The following ABTB1 variants were observed in gnomAD, a reference collection of about 807,000 sequenced individuals.
The protein encoded by ABTB1 is ankyrin repeat and BTB domain containing 1, also known as ankyrin repeat and BTB/POZ domain-containing protein 1.
A neutral mutation model predicts 57.1 loss-of-function variants in ABTB1; 45 were observed. That is an observed-to-expected ratio of 0.79 (90% confidence interval 0.62 to 1.01). ABTB1 has a LOEUF of 1.01. Among genes scored for constraint, ABTB1 ranks in the 50% least tolerant of loss-of-function variants. ABTB1 has a pLI of 0.00. For missense variants in ABTB1, 630 were observed against 666.3 expected, an observed-to-expected ratio of 0.95 and a Z score of 0.60; for synonymous variants, 302 against 275.4, an observed-to-expected ratio of 1.10 and a Z score of -0.95.
At chr3:127,674,512 G>A (rs1478334972) in intron 2 of ABTB1, 33 bp from the exon 3 acceptor site, 1 of 1,614,012 alleles carries the variant, frequency 6.2e-7, no homozygotes, top group Non-Finnish European at 8.5e-7. Context: ...TCAGCACTGA[G>A]GACTGCCTCC....
Position 127,680,452 on chromosome 3 carries a change from G to T in ABTB1, c.1414G>T (p.Val472Leu). Residue 472 changes from valine to leucine, a missense_variant, in exon 12 of 12, where the codon GTG becomes TTG. Val to Leu is a conservative substitution (Grantham distance 32). Transcript: ENST00000232744. ...QRLRALEDLL[V>L]SIGLDC ...TCTGCGGGCACTCGAGGACCTGCTC[G>T]TGTCCATCGGTCTGGACTGTTGAGC... The T allele has an allele frequency of 1.2e-6, 2 of 1,602,330 alleles. No homozygotes were observed. The highest frequency in any genetic ancestry group is 1.7e-6 in the Non-Finnish European group (2 of 1,176,920).
intron 3 of ABTB1, chr3:127,675,699 G>A (rs2074964590): frequency 1.9e-6 from 1 of 533,980 alleles, no homozygotes; most frequent in Non-Finnish European, 3.4e-6. Context: ...CCAGTGTGTG[G>A]GACAAGCCCA....
Position 127,677,663 on chromosome 3 carries a change from C to A in ABTB1, c.862-13C>A. On this transcript the variant is annotated splice_polypyrimidine_tract_variant and intron_variant, in intron 9 of 11. Transcript: ENST00000232744. ...CCCTGGCCCTCACACTTCCTGAGCC[C>A]GGCCTCCCCCAGGCCTTTTTCTGTG... 3 of 1,611,406 alleles carry A rather than the reference C, an allele frequency of 1.9e-6. No individual in the cohort carries two copies. The highest frequency in any genetic ancestry group is 2.5e-6 in the Non-Finnish European group (3 of 1,178,686).
Position 127,676,884 on chromosome 3 carries a change from C to A in ABTB1, c.527-83C>A. On this transcript the variant is annotated intron_variant, in intron 6 of 11. Coordinates refer to ENST00000232744, the MANE Select transcript of ABTB1 (RefSeq NM_172027.3). The surrounding 1 kb of genome is among the most constrained non-coding windows in gnomAD (Gnocchi z 5.4). ...AGTCCTAGTCCTGCAGCCAGGTGGC[C>A]AGGTGGGAGGGGATCACCCTTTTTC... 2.2e-6 allele frequency: 3 copies of A among 1,382,898 alleles called. No individual in the cohort carries two copies. Among genetic ancestry groups the A allele is most frequent in the Admixed American group, 1.9e-5 (1 of 51,922 alleles). 85.7% of individuals were successfully genotyped at this position (1,382,898 alleles called of 1,614,324 possible).
chr3:127,676,689 TC>T lies in ABTB1; in HGVS notation c.526+114del, dbSNP rs1455572879. ...CCTTTCACCTCTAGACACTTCATGG[TC>T]CCCCCGGGGTGGTTCCAGCTGCCTC... On this transcript the variant is annotated intron_variant, in intron 6 of 11. Transcript: ENST00000232744. The surrounding 1 kb of genome is among the most constrained non-coding windows in gnomAD (Gnocchi z 5.4). The T allele has an allele frequency of 2.0e-5, 29 of 1,442,398 alleles. No homozygotes were observed. The highest frequency in any genetic ancestry group is 2.6e-5 in the Non-Finnish European group (27 of 1,039,336). 89.3% of individuals were successfully genotyped at this position (1,442,398 alleles called of 1,614,324 possible).
chr3:127,679,455 G>C (rs929542096), intron 10 of ABTB1: 1 of 452,784 alleles, frequency 2.2e-6, no homozygotes, highest in Non-Finnish European at 4.5e-6. Context: ...GTATCTGTAG[G>C]TGGGCTCTGT....
intron 10 of ABTB1, chr3:127,679,632 G>A (rs776235576): frequency 1.4e-4 from 69 of 497,088 alleles, no homozygotes; most frequent in Non-Finnish European, 2.0e-4. Flanking sequence ...GGCACAGGGA[G>A]GTGCAGTGAC....
intron 10 of ABTB1, chr3:127,678,740 A>C (rs1187479006): frequency 1.3e-5 from 2 of 152,308 alleles, no homozygotes; most frequent in African/African-American, 2.4e-5. Flanking sequence ...TCTAGGAGGA[A>C]GAGGAAGGCA....
intron 1 of ABTB1, 59 bp from the exon 2 acceptor site, chr3:127,674,332 C>A: frequency 2.6e-6 from 4 of 1,568,054 alleles, no homozygotes; most frequent in Non-Finnish European, 3.5e-6. Context: ...TTTCCACGGG[C>A]CTTCTTTCTC....
At chr3:127,673,354 C>T in intron 1 of ABTB1, 1 of 284,410 alleles carries the variant, frequency 3.5e-6, no homozygotes, top group Non-Finnish European at 6.4e-6. Flanking sequence ...CAGAAGTGGG[C>T]GGAGAGAAGG....
chr3:127,676,887 G>A lies in ABTB1; in HGVS notation c.527-80G>A. 1 of 1,419,936 alleles carries A rather than the reference G, an allele frequency of 7.0e-7. No individual in the cohort carries two copies. The highest frequency in any genetic ancestry group is 9.8e-7 in the Non-Finnish European group (1 of 1,024,958). 88.0% of individuals were successfully genotyped at this position (1,419,936 alleles called of 1,614,324 possible). Reference sequence around the variant, plus strand: ...CCTAGTCCTGCAGCCAGGTGGCCAGGTGGGAGGGGATCACCCTTTTTCTGT... The same window carrying A: ...CCTAGTCCTGCAGCCAGGTGGCCAGATGGGAGGGGATCACCCTTTTTCTGT... On this transcript the variant is annotated intron_variant, in intron 6 of 11. Transcript: ENST00000232744. The surrounding 1 kb of genome is among the most constrained non-coding windows in gnomAD (Gnocchi z 5.4).
At position 127,674,772 on chromosome 3, in the gene ABTB1, C is replaced by T. The variant is rs186561875; in HGVS notation, c.175+172C>T. ...AGTACTATTATTGCTACTTTAAAAC[C>T]TTTTCTCTGTCCACCTTGCCCATCT... is the stretch of plus-strand genomic sequence containing the variant. On this transcript the variant is annotated intron_variant, in intron 3 of 11. Coordinates refer to ENST00000232744, the MANE Select transcript of ABTB1 (RefSeq NM_172027.3). Among the ~76,000 whole-genome samples, 536 of 152,332 alleles carry T rather than the reference C, an allele frequency of 3.5e-3. 7 individuals are homozygous for T. The highest frequency in any genetic ancestry group is 0.012 in the African/African-American group (508 of 41,564).
At chr3:127,677,972 G>T (rs1465318114) in intron 10 of ABTB1, 129 bp downstream of exon 10, 2 of 1,224,390 alleles carry the variant, frequency 1.6e-6, no homozygotes, top group Non-Finnish European at 2.2e-6. Context: ...GAGAAGGCTG[G>T]AGGGGAAGGC....
chr3:127,679,261 G>T (rs749446952), intron 10 of ABTB1: 8 of 306,622 alleles, frequency 2.6e-5, no homozygotes, highest in African/African-American at 6.7e-5. Flanking sequence ...GATAGCTCTC[G>T]TCGTCACTTC....
At position 127,677,536 on chromosome 3, in the gene ABTB1, G is replaced by A. The variant is rs150739803; in HGVS notation, c.834G>A (p.Val278=). Residue 278 remains valine (V), a synonymous_variant, in exon 9 of 12, where the codon GTG becomes GTA. Coordinates refer to ENST00000232744, the MANE Select transcript of ABTB1 (RefSeq NM_172027.3). ...FNSCPDICFR[V]AGCSFLCHKA... The stretch of plus-strand genomic sequence containing the variant: ...GCTGCCCTGACATCTGCTTCCGAGT[G>A]GCTGGCTGCAGCTTCCTCTGCCACA... 4 of 1,613,840 alleles carry A rather than the reference G, an allele frequency of 2.5e-6. No homozygotes were observed. In the African/African-American group the frequency reaches 5.3e-5, roughly 22 times the overall value.
At chr3:127,679,433 C>A in intron 10 of ABTB1, 1 of 433,834 alleles carries the variant, frequency 2.3e-6, no homozygotes, top group Middle Eastern at 4.0e-4. Context: ...TCAGTCTTAT[C>A]CAGCACAGGA....
chr3:127,676,801 C>A lies in ABTB1; in HGVS notation c.527-166C>A. 2 of 840,116 alleles carry A rather than the reference C, an allele frequency of 2.4e-6. No homozygotes were observed. Among genetic ancestry groups the A allele is most frequent in the Non-Finnish European group, 3.7e-6 (2 of 544,228 alleles). 52.0% of individuals were successfully genotyped at this position (840,116 alleles called of 1,614,324 possible). A position where few individuals can be genotyped will look rare whatever the true frequency, so the allele number is the denominator to read the frequency against. ...ACATGCTGAGGCCCTCCCATCTGTT[C>A]CCTGGGGCCTGTAGAACAGCTTTTG... is the stretch of plus-strand genomic sequence containing the variant. On this transcript the variant is annotated intron_variant, in intron 6 of 11. Coordinates refer to ENST00000232744, the MANE Select transcript of ABTB1 (RefSeq NM_172027.3). This position sits in a 1 kb window ranked among gnomAD's most constrained non-coding sequence, Gnocchi z 5.4.
At position 127,680,410 on chromosome 3, in the gene ABTB1, G is replaced by A. The variant is rs978280510; in HGVS notation, c.1372G>A (p.Glu458Lys). ...CACGGTGCAGACCTACAGCGCCATA[G>A]AGGAGGCGCAGCAGCGTCTGCGGGC... ...ASTVQTYSAI[E>K]EAQQRLRALE... Residue 458 changes from glutamate (E) to lysine (K), a missense_variant, in exon 12 of 12, where the codon GAG (glutamate) becomes AAG (lysine). Transcript: ENST00000232744. 4 of 1,607,846 alleles carry A rather than the reference G, an allele frequency of 2.5e-6. No homozygotes were observed. Among genetic ancestry groups the A allele is most frequent in the Non-Finnish European group, 3.4e-6 (4 of 1,177,720 alleles).
At position 127,679,529 on chromosome 3, in the gene ABTB1, T is replaced by C. The variant is rs114522236; in HGVS notation, c.1030-456T>C. 1.6e-3 allele frequency: 741 copies of C among 457,990 alleles called. 7 individuals carry two copies. The highest frequency in any genetic ancestry group is 0.014 in the African/African-American group (688 of 50,264). 28.4% of individuals were successfully genotyped at this position (457,990 alleles called of 1,614,324 possible). ...AGTCTCCCACCCCTGGCAGAGTCCC[T>C]GCATAGGTCTTGACTAGCTGCCTCT... On this transcript the variant is annotated intron_variant, in intron 10 of 11. Coordinates refer to ENST00000232744, the MANE Select transcript of ABTB1 (RefSeq NM_172027.3).
Sources: gnomAD v4.1 joint callset for allele counts (sites outside exome capture counted in the v4.1 genomes callset) on GRCh38, gnomAD v4.1.1 for gene constraint, Gnocchi (gnomAD v3.1) non-coding constraint, MANE v1.5 for transcripts, NCBI Gene and HGNC (gene_info 2026-07-23, HGNC 2026-07-21) for gene names.